Variants in LIMD1 observed in about 807,000 individuals in gnomAD.
The protein encoded by LIMD1 is LIM domain-containing protein 1.
Under a neutral mutation model 58.4 loss-of-function variants are expected in LIMD1, and 23 were observed. That is an observed-to-expected ratio of 0.39 (90% CI 0.28 to 0.56). The LOEUF (loss-of-function observed/expected upper bound fraction) is 0.56, where lower values mean the gene tolerates loss of function less well. LIMD1 is among the 20% of genes least tolerant of loss of function. The pLI is 0.57. For missense variants in LIMD1, 838 were observed against 855.5 expected (o/e 0.98, Z 0.25); for synonymous variants, 334 against 345.5 (o/e 0.97, Z 0.37).
intron 1 of LIMD1, among the ~76,000 whole-genome samples, chr3:45,628,764 GC>G (rs1267374475): frequency 6.6e-6 from 1 of 152,190 alleles, no homozygotes; most frequent in East Asian, 1.9e-4. Context: ...CAACTTATGT[GC>G]ATCAACAAGC....
At chr3:45,672,542 CCT>C (rs1697600216) in intron 4 of LIMD1, 146 bp from the exon 5 acceptor site, 4 of 826,996 alleles carry the variant, frequency 4.8e-6, no homozygotes, top group Non-Finnish European at 7.7e-6. Flanking sequence ...CACCCCATCA[CCT>C]CTTGCTCTTC....
chr3:45,672,044 G>A (rs890921379), intron 4 of LIMD1, among the ~76,000 whole-genome samples: 1 of 152,198 alleles, frequency 6.6e-6, no homozygotes, highest in Non-Finnish European at 1.5e-5. Context: ...GAAGAAGTTT[G>A]TGGGGCTTTC....
intron 2 of LIMD1, among the ~76,000 whole-genome samples, chr3:45,639,732 G>A (rs1280974191): frequency 2.6e-5 from 4 of 151,996 alleles, no homozygotes; most frequent in African/African-American, 9.7e-5. Context: ...GCGCAGTCTC[G>A]GCTTACCGCA....
At chr3:45,670,072 A>G (rs1697570172) in intron 4 of LIMD1, among the ~76,000 whole-genome samples, 1 of 152,174 alleles carries the variant, frequency 6.6e-6, no homozygotes, top group African/African-American at 2.4e-5. Flanking sequence ...CTCCCTGGGA[A>G]ACGTGGCCCT....
At chr3:45,623,254 C>T (rs1235488272) in intron 1 of LIMD1, among the ~76,000 whole-genome samples, 2 of 151,978 alleles carry the variant, frequency 1.3e-5, no homozygotes, top group Non-Finnish European at 2.9e-5. Flanking sequence ...AAGTTAAGAC[C>T]CTCGTGAGGA....
rs201387403 is a variant in LIMD1 at position 45,595,688 on chromosome 3, G to A, written c.809G>A (p.Arg270Gln). The change falls in exon 1 of 8, where the codon CGG becomes CAG. Residue 270 changes from arginine (R) to glutamine (Q), a missense_variant. By Grantham distance (43) the Arg-to-Gln change is conservative. Coordinates refer to ENST00000273317, the MANE Select transcript of LIMD1 (RefSeq NM_014240.3). The part of the protein sequence containing the change: ...TGLWSTASSQ[R>Q]VSPGLPSPNL... The stretch of plus-strand genomic sequence containing the variant: ...CTTTGGTCCACTGCCTCCTCCCAGC[G>A]GGTGAGCCCTGGCCTGCCTTCCCCA... 5.6e-6 allele frequency: 9 copies of A among 1,614,160 alleles called. No homozygotes were observed. Among genetic ancestry groups the A allele is most frequent in the South Asian group, 2.2e-5 (2 of 91,084 alleles).
At chr3:45,639,245 C>G (rs752750009) in intron 2 of LIMD1, among the ~76,000 whole-genome samples, 19 of 152,148 alleles carry the variant, frequency 1.2e-4, no homozygotes, top group Non-Finnish European at 1.9e-4. Context: ...CCTTTGACTC[C>G]TACAACAGTT....
chr3:45,629,131 G>A (rs1701700922), intron 1 of LIMD1, among the ~76,000 whole-genome samples: 1 of 152,002 alleles, frequency 6.6e-6, no homozygotes, highest in African/African-American at 2.4e-5. Context: ...TCACAACACG[G>A]GGCTGGGCAC....
intron 7 of LIMD1, 21 bp from the exon 8 acceptor site, chr3:45,676,901 G>A (rs1281135058): frequency 1.9e-6 from 3 of 1,613,548 alleles, no homozygotes; most frequent in South Asian, 2.2e-5. Flanking sequence ...GCTTCCCCTG[G>A]ACATGTCTGC....
intron 1 of LIMD1, among the ~76,000 whole-genome samples, chr3:45,613,767 G>T (rs1485225372): frequency 4.0e-5 from 6 of 151,896 alleles, no homozygotes; most frequent in African/African-American, 9.7e-5. Context: ...TAAAGTGCTG[G>T]AATTATAGGC....
chr3:45,622,207 G>A (rs79363926), intron 1 of LIMD1, among the ~76,000 whole-genome samples: 3 of 152,034 alleles, frequency 2.0e-5, no homozygotes, highest in East Asian at 1.9e-4. Context: ...TCCCTGCTCC[G>A]CTGTCCTCCA....
In LIMD1 at chr3:45,677,756, G is replaced by A. The variant is rs971457964; in HGVS notation, c.*697G>A. The A allele has an allele frequency of 6.6e-6, 1 of 152,186 alleles. No homozygotes were observed. Among genetic ancestry groups the A allele is most frequent in the Non-Finnish European group, 1.5e-5 (1 of 68,032 alleles). 9.4% of individuals were successfully genotyped at this position (152,186 alleles called of 1,614,324 possible). On this transcript the variant is annotated 3_prime_UTR_variant, in exon 8 of 8. Transcript: ENST00000273317. The stretch of plus-strand genomic sequence containing the variant: ...TCCTTACTCTCCTAAAGGCAGCTGA[G>A]TCCGCGACAGAAATTTGCCCTATGT...
intron 2 of LIMD1, among the ~76,000 whole-genome samples, chr3:45,640,564 G>A (rs1006420139): frequency 6.6e-6 from 1 of 152,106 alleles, no homozygotes; most frequent in African/African-American, 2.4e-5. Flanking sequence ...TAAGTAGCTG[G>A]AACTACAGGC....
At chr3:45,636,065 T>C in intron 1 of LIMD1, 85 bp from the exon 2 acceptor site, 1 of 1,592,590 alleles carries the variant, frequency 6.3e-7, no homozygotes, top group Non-Finnish European at 8.5e-7. Flanking sequence ...GGAGGGATGG[T>C]ATTATGCTTT....
At position 45,614,224 on chromosome 3, in the gene LIMD1, C is replaced by T. The variant is rs538261619; in HGVS notation, c.1408+17937C>T. 3.9e-5 allele frequency among the ~76,000 whole-genome samples: 6 copies of T among 152,104 alleles called. No homozygotes were observed. In the South Asian group the frequency reaches 1.2e-3, roughly 32 times the overall value. On this transcript the variant is annotated intron_variant, in intron 1 of 7. Coordinates refer to ENST00000273317, the MANE Select transcript of LIMD1 (RefSeq NM_014240.3). ...TTTTGTTTTTGCTTTTACCAGTTTTCTCTAGTACAGAAATCCTCTTAGGCT... is the reference window on the plus strand; with the variant it reads ...TTTTGTTTTTGCTTTTACCAGTTTTTTCTAGTACAGAAATCCTCTTAGGCT...
intron 1 of LIMD1, among the ~76,000 whole-genome samples, chr3:45,620,131 C>A (rs1701616666): frequency 1.3e-5 from 2 of 152,040 alleles, no homozygotes; most frequent in South Asian, 4.1e-4. Flanking sequence ...ATGATGGGGT[C>A]AAGACACTTT....
chr3:45,655,955 T>C (rs1259693722), intron 2 of LIMD1, among the ~76,000 whole-genome samples: 2 of 152,226 alleles, frequency 1.3e-5, no homozygotes, highest in Non-Finnish European at 2.9e-5. Flanking sequence ...CAAATCCTTA[T>C]GTTGAATCTC....
intron 1 of LIMD1, among the ~76,000 whole-genome samples, chr3:45,619,988 A>C (rs1465151829): frequency 6.6e-6 from 1 of 152,040 alleles, no homozygotes; most frequent in Non-Finnish European, 1.5e-5. Context: ...TCCAGTAGAG[A>C]AGCAAATTGG....
At chr3:45,606,954 C>A (rs1311272908) in intron 1 of LIMD1, among the ~76,000 whole-genome samples, 1 of 152,094 alleles carries the variant, frequency 6.6e-6, no homozygotes, top group Admixed American at 6.6e-5. Context: ...CCACCTTGGC[C>A]GGCTAATTTC....
Sources: gnomAD v4.1 joint callset for allele counts (sites outside exome capture counted in the v4.1 genomes callset) on GRCh38, gnomAD v4.1.1 for gene constraint, MANE v1.5 for transcripts, NCBI Gene and HGNC (gene_info 2026-07-23, HGNC 2026-07-21) for gene names.